The following AKAP6 variants were observed in gnomAD, a reference collection of about 807,000 sequenced individuals.
AKAP6 encodes A-kinase anchoring protein 6, also known as A-kinase anchor protein 6.
A neutral mutation model predicts 188.5 loss-of-function variants in AKAP6; 58 were observed. That is an observed-to-expected ratio of 0.31 (90% confidence interval 0.25 to 0.38). The LOEUF (loss-of-function observed/expected upper bound fraction) is 0.38. AKAP6 is among the 10% of genes least tolerant of loss of function. The pLI is 1.00. For missense variants in AKAP6, 2,710 were observed against 2,740.0 expected (o/e 0.99, Z 0.24); for synonymous variants, 989 against 998.6 (o/e 0.99, Z 0.18).
chr14:32,486,308 TG>T (rs1879689372), intron 2 of AKAP6, among the ~76,000 whole-genome samples: 1 of 152,220 alleles, frequency 6.6e-6, no homozygotes, highest in Admixed American at 6.5e-5. Context: ...GGCTCTTTTT[TG>T]GTTCCATATT....
chr14:32,583,654 T>G (rs1174047372), intron 5 of AKAP6, among the ~76,000 whole-genome samples: 2 of 152,190 alleles, frequency 1.3e-5, no homozygotes, highest in African/African-American at 2.4e-5. Context: ...GGCTGCTTTG[T>G]TTACCTAAGC....
chr14:32,671,493 A>AT (rs34330213), intron 7 of AKAP6, among the ~76,000 whole-genome samples: 25,322 of 146,808 alleles, frequency 0.17, 3,071 homozygotes, highest in East Asian at 0.41. Flanking sequence ...TTTTCTCTCT[A>AT]TTTTTTTTTT....
chr14:32,539,201 G>A (rs1055487462), intron 3 of AKAP6, among the ~76,000 whole-genome samples: 1 of 152,170 alleles, frequency 6.6e-6, no homozygotes, highest in Non-Finnish European at 1.5e-5. Context: ...GGTCAAGAGA[G>A]GTAATGTCAC....
At chr14:32,524,361 A>G in intron 2 of AKAP6, among the ~76,000 whole-genome samples, 1 of 152,124 alleles carries the variant, frequency 6.6e-6, no homozygotes, top group Non-Finnish European at 1.5e-5. Flanking sequence ...TAAAGTTCTA[A>G]ATTTTGGCCT....
rs139999446 is a variant in AKAP6 at position 32,545,726 on chromosome 14, A to G, written c.1073A>G (p.Asn358Ser). ...SSSSSHHDAK[N>S]QQPVPCENAT... ...TCCTCCTCCCATCATGATGCAAAGA[A>G]TCAGCAGCCTGTTCCTTGTGAAAAT... The change falls in exon 4 of 14, where the codon AAT (asparagine) becomes AGT (serine). Residue 358 changes from asparagine to serine, a missense_variant. This residue lies in a region of AKAP6 where 2,473 missense variants were observed against 2,426.1 expected (regional missense o/e 1.02). Coordinates refer to ENST00000280979, the MANE Select transcript of AKAP6 (RefSeq NM_004274.5). 3 of 1,614,064 alleles carry G rather than the reference A, an allele frequency of 1.9e-6. No individual in the cohort carries two copies. The highest frequency in any genetic ancestry group is 2.5e-6 in the Non-Finnish European group (3 of 1,180,026).
chr14:32,822,837 A>G lies in AKAP6; in HGVS notation c.5024A>G (p.Asp1675Gly), dbSNP rs775952871. The G allele has an allele frequency of 6.2e-7, 1 of 1,613,940 alleles. No individual in the cohort carries two copies. ...KMSFTGQMSL[D>G]IASSINEDSA... ...TCCTTTACTGGCCAGATGTCATTGG[A>G]CATAGCATCTTCTATCAATGAAGAC... The change falls in exon 13 of 14, where the codon GAC (aspartate) becomes GGC (glycine). Residue 1675 changes from aspartate to glycine, a missense_variant. Coordinates refer to ENST00000280979, the MANE Select transcript of AKAP6 (RefSeq NM_004274.5).
At chr14:32,552,978 T>C (rs1194268982) in intron 4 of AKAP6, among the ~76,000 whole-genome samples, 2 of 151,984 alleles carry the variant, frequency 1.3e-5, no homozygotes, top group Non-Finnish European at 2.9e-5. Flanking sequence ...CTCTGTCTTC[T>C]CTGAGTCACA....
chr14:32,409,692 A>G (rs1386302125), intron 1 of AKAP6, among the ~76,000 whole-genome samples: 1 of 152,146 alleles, frequency 6.6e-6, no homozygotes, highest in Non-Finnish European at 1.5e-5. Flanking sequence ...AATAACAAAG[A>G]TTTTCTTCCT....
chr14:32,659,501 C>A (rs987311175), intron 7 of AKAP6, among the ~76,000 whole-genome samples: 3 of 151,970 alleles, frequency 2.0e-5, no homozygotes, highest in Non-Finnish European at 4.4e-5. Context: ...GGAGTCATCA[C>A]GTGGTGACAG....
chr14:32,498,067 G>T (rs1880416714), intron 2 of AKAP6, among the ~76,000 whole-genome samples: 1 of 152,078 alleles, frequency 6.6e-6, no homozygotes, highest in South Asian at 2.1e-4. Flanking sequence ...CAAGGTATAA[G>T]TAGAATTCAC....
chr14:32,779,782 G>A (rs889676335), intron 12 of AKAP6, among the ~76,000 whole-genome samples: 1 of 152,074 alleles, frequency 6.6e-6, no homozygotes. Context: ...AGATATAAAA[G>A]ACTTGGAATG....
chr14:32,398,855 T>TA (rs374931075), intron 1 of AKAP6, among the ~76,000 whole-genome samples: 1 of 110,122 alleles, frequency 9.1e-6, no homozygotes, highest in Non-Finnish European at 2.0e-5. Flanking sequence ...TTTTTTTTTT[T>TA]TTTTTTTTTT....
chr14:32,765,918 A>C (rs2032704493), intron 11 of AKAP6, among the ~76,000 whole-genome samples: 1 of 152,124 alleles, frequency 6.6e-6, no homozygotes, highest in Non-Finnish European at 1.5e-5. Flanking sequence ...TTTTCTTAAA[A>C]TAATATTTTC....
chr14:32,738,388 G>A (rs1471515015), intron 11 of AKAP6, among the ~76,000 whole-genome samples: 1 of 152,150 alleles, frequency 6.6e-6, no homozygotes, highest in South Asian at 2.1e-4. Context: ...ACGAGTCGAG[G>A]AAGAGCAAGT....
At chr14:32,437,599 A>ATTATCATTAAGAAGC (rs1323952335) in intron 2 of AKAP6, among the ~76,000 whole-genome samples, 1 of 151,800 alleles carries the variant, frequency 6.6e-6, no homozygotes, top group Non-Finnish European at 1.5e-5. Context: ...CTTTATTATT[A>ATTATCATTAAGAAGC]TTATTATCAT....
rs112246509 is a variant in AKAP6 at position 32,673,054 on chromosome 14, C to T, written c.2731-5257C>T. On this transcript the variant is annotated intron_variant, in intron 7 of 13. Coordinates refer to ENST00000280979, the MANE Select transcript of AKAP6 (RefSeq NM_004274.5). ...CTCTATATCCAAATGCCCCAAAGCT[C>T]CAGCCACCATTCTCTGAACATGCCA... Among the ~76,000 whole-genome samples the T allele has an allele frequency of 5.8e-3, 887 of 152,302 alleles. 4 individuals carry two copies. Among genetic ancestry groups the T allele is most frequent in the Non-Finnish European group, 9.8e-3 (664 of 68,022 alleles).
At chr14:32,766,427 T>C (rs2032722128) in intron 11 of AKAP6, among the ~76,000 whole-genome samples, 1 of 152,182 alleles carries the variant, frequency 6.6e-6, no homozygotes, top group Non-Finnish European at 1.5e-5. Flanking sequence ...TTTGAGGAAA[T>C]GTCATACTGT....
intron 1 of AKAP6, among the ~76,000 whole-genome samples, chr14:32,420,707 C>A (rs953899783): frequency 1.3e-5 from 2 of 152,048 alleles, no homozygotes; most frequent in Non-Finnish European, 2.9e-5. Flanking sequence ...TTGACAGGAG[C>A]CTTCTGACCT....
chr14:32,676,045 G>A (rs2139630276), intron 7 of AKAP6, among the ~76,000 whole-genome samples: 1 of 152,244 alleles, frequency 6.6e-6, no homozygotes, highest in East Asian at 1.9e-4. Flanking sequence ...GACTTAGGAT[G>A]GCTAAAAACT....
Sources: gnomAD v4.1 joint callset for allele counts (sites outside exome capture counted in the v4.1 genomes callset) on GRCh38, gnomAD v4.1.1 for gene constraint, gnomAD v4.1.1 regional missense constraint, MANE v1.5 for transcripts, NCBI Gene and HGNC (gene_info 2026-07-23, HGNC 2026-07-21) for gene names.